CLDN1: variants seen among roughly 807,000 people sequenced by gnomAD.
The protein encoded by CLDN1 is claudin 1.
In CLDN1, 12 loss-of-function variants were observed where a neutral mutation model predicts 22.6. The observed-to-expected ratio is 0.53, with a 90% CI of 0.34 to 0.86. CLDN1 has a LOEUF of 0.86. CLDN1 is among the 40% of genes least tolerant of loss of function. The probability of loss-of-function intolerance (pLI) is 0.02; values close to 1 mark genes in which losing one functional copy is unlikely to be tolerated. For synonymous variants in CLDN1, 99 were observed against 103.8 expected (o/e 0.95, Z 0.28); for missense variants, 250 against 269.5 (o/e 0.93, Z 0.51).
chr3:190,308,030 C>T lies in CLDN1; in HGVS notation c.*247G>A, dbSNP rs1716505972. ...CCCTTCCCCCAGTTGAGTATGATTA[C>T]TCAATGGGAAGCAGTAATACAAATG... On this transcript the variant is annotated 3_prime_UTR_variant, in exon 4 of 4. Coordinates refer to ENST00000295522, the MANE Select transcript of CLDN1 (RefSeq NM_021101.5). 9.1e-6 allele frequency: 4 copies of T among 437,688 alleles called. No individual in the cohort carries two copies. The Admixed American group carries it at 1.4e-4, about 15-fold the overall frequency. The allele number at this position is 437,688 out of a possible 1,614,324, so 27.1% of individuals were successfully genotyped here. A position where few individuals can be genotyped will look rare whatever the true frequency, so the allele number is the denominator to read the frequency against.
chr3:190,311,723 TA>T (rs1400831074), intron 2 of CLDN1, among the ~76,000 whole-genome samples: 3 of 151,308 alleles, frequency 2.0e-5, no homozygotes, highest in African/African-American at 7.3e-5. Context: ...ATTATCAACA[TA>T]TATAACACAG....
At chr3:190,313,109 A>G in intron 1 of CLDN1, 73 bp from the exon 2 acceptor site, 3 of 1,546,928 alleles carry the variant, frequency 1.9e-6, no homozygotes, top group Non-Finnish European at 2.7e-6. Flanking sequence ...AAGACCAAGT[A>G]TATGTCACTG....
chr3:190,312,304 T>C (rs891752144), intron 2 of CLDN1, among the ~76,000 whole-genome samples: 1 of 40,564 alleles, frequency 2.5e-5, no homozygotes, highest in Non-Finnish European at 3.9e-5. Context: ...TATTTCTGTA[T>C]TTTTTTTTTC....
At chr3:190,315,256 T>C (rs150234243) in intron 1 of CLDN1, among the ~76,000 whole-genome samples, 240 of 152,256 alleles carry the variant, frequency 1.6e-3, no homozygotes, top group African/African-American at 5.2e-3. Flanking sequence ...GTCTGGAGGA[T>C]AGGGAAACCA....
chr3:190,308,157 T>C lies in CLDN1; in HGVS notation c.*120A>G. 1.0e-5 allele frequency: 12 copies of C among 1,204,142 alleles called. No individual in the cohort carries two copies. In the South Asian group the frequency reaches 1.5e-4, roughly 15 times the overall value. The allele number at this position is 1,204,142 out of a possible 1,614,324, so 74.6% of individuals were successfully genotyped here. A position where few individuals can be genotyped will look rare whatever the true frequency, so the allele number is the denominator to read the frequency against. Reference sequence around the variant, plus strand: ...CATGGGTTTTTTGTTTGTTTGTTTGTTTTGTAATACCATACTTCAGATTAC... The same window carrying C: ...CATGGGTTTTTTGTTTGTTTGTTTGCTTTGTAATACCATACTTCAGATTAC... On this transcript the variant is annotated 3_prime_UTR_variant, in exon 4 of 4. Transcript: ENST00000295522.
intron 1 of CLDN1, 132 bp from the exon 2 acceptor site, chr3:190,313,168 T>C: frequency 2.0e-6 from 2 of 978,034 alleles, no homozygotes; most frequent in East Asian, 2.5e-5. Context: ...ACCCCAGTCA[T>C]ACTGATGTTT....
intron 1 of CLDN1, 33 bp downstream of exon 1, chr3:190,321,951 T>C (rs773060480): frequency 1.3e-6 from 2 of 1,588,386 alleles, no homozygotes; most frequent in South Asian, 2.2e-5. Context: ...CTGGGGCCTC[T>C]GGACGGCCGC....
At chr3:190,313,839 A>G (rs1351305324) in intron 1 of CLDN1, among the ~76,000 whole-genome samples, 1 of 152,192 alleles carries the variant, frequency 6.6e-6, no homozygotes, top group Non-Finnish European at 1.5e-5. Flanking sequence ...TGATCAAATA[A>G]ACAGGGTCAA....
At chr3:190,319,725 T>G (rs3774018) in intron 1 of CLDN1, among the ~76,000 whole-genome samples, 68,398 of 151,972 alleles carry the variant, frequency 0.45, 15,975 homozygotes, top group East Asian at 0.8. Flanking sequence ...TTTTTCTGAG[T>G]GATACTGCTT....
chr3:190,313,557 T>A (rs1292676059), intron 1 of CLDN1, among the ~76,000 whole-genome samples: 2 of 152,198 alleles, frequency 1.3e-5, no homozygotes, highest in African/African-American at 2.4e-5. Flanking sequence ...TTATAGATTA[T>A]CATGGCTGGA....
chr3:190,321,638 T>G (rs1716924377), intron 1 of CLDN1, among the ~76,000 whole-genome samples: 1 of 152,176 alleles, frequency 6.6e-6, no homozygotes. Context: ...CAATCCTCAA[T>G]TTACCCCAAA....
intron 2 of CLDN1, among the ~76,000 whole-genome samples, chr3:190,311,595 T>C (rs552851600): frequency 1.3e-5 from 2 of 151,466 alleles, no homozygotes; most frequent in South Asian, 2.1e-4. Flanking sequence ...ATTAATTATA[T>C]CTGTTATTTT....
At chr3:190,314,715 C>T (rs993132703) in intron 1 of CLDN1, among the ~76,000 whole-genome samples, 15 of 152,124 alleles carry the variant, frequency 9.9e-5, no homozygotes, top group African/African-American at 3.6e-4. Context: ...TAATCTCTTT[C>T]TAAAAAGTAT....
chr3:190,317,108 T>G (rs971884217), intron 1 of CLDN1, among the ~76,000 whole-genome samples: 1 of 152,328 alleles, frequency 6.6e-6, no homozygotes, highest in East Asian at 1.9e-4. Flanking sequence ...TTGGATGAGA[T>G]AGATGTTGTA....
chr3:190,319,897 C>T (rs968039632), intron 1 of CLDN1, among the ~76,000 whole-genome samples: 8 of 152,154 alleles, frequency 5.3e-5, no homozygotes, highest in Admixed American at 1.3e-4. Flanking sequence ...AAAAGCATCC[C>T]GTGAGTCACG....
In CLDN1 at chr3:190,314,541, C is replaced by T. The variant is rs531619770; in HGVS notation, c.224-1505G>A. On this transcript the variant is annotated intron_variant, in intron 1 of 3. Transcript: ENST00000295522. The stretch of plus-strand genomic sequence containing the variant: ...TCCTGAGTAGCTGGGACTGCAGGCA[C>T]GAACCACCATGCCTGGCTAAATTTT... Among the ~76,000 whole-genome samples the T allele has an allele frequency of 1.1e-4, 17 of 150,532 alleles. No homozygotes were observed. In the East Asian group the frequency reaches 2.0e-3, roughly 17 times the overall value.
intron 1 of CLDN1, among the ~76,000 whole-genome samples, chr3:190,318,719 G>A (rs1408099872): frequency 1.3e-5 from 2 of 152,138 alleles, no homozygotes; most frequent in East Asian, 3.8e-4. Context: ...AACACCAATG[G>A]CCCTTCGAGT....
In CLDN1 at chr3:190,307,151, G is replaced by T. The variant is rs759103047; in HGVS notation, c.*1126C>A. The stretch of plus-strand genomic sequence containing the variant: ...ATCTCAATTTGGCAGATAGAAAAAA[G>T]AGGTAGAAAGATTAAGTGACTTGCT... On this transcript the variant is annotated 3_prime_UTR_variant, in exon 4 of 4. Coordinates refer to ENST00000295522, the MANE Select transcript of CLDN1 (RefSeq NM_021101.5). 1 of 152,622 alleles carries T rather than the reference G, an allele frequency of 6.6e-6. No homozygotes were observed. The highest frequency in any genetic ancestry group is 6.5e-5 in the Admixed American group (1 of 15,268). 9.5% of individuals were successfully genotyped at this position (152,622 alleles called of 1,614,324 possible). A position where few individuals can be genotyped will look rare whatever the true frequency, so the allele number is the denominator to read the frequency against.
intron 1 of CLDN1, among the ~76,000 whole-genome samples, chr3:190,320,361 G>A (rs1300744292): frequency 6.6e-6 from 1 of 152,084 alleles, no homozygotes; most frequent in East Asian, 1.9e-4. Context: ...CCTTAACGTG[G>A]TACCTAAAAT....
Sources: gnomAD v4.1 joint callset for allele counts (sites outside exome capture counted in the v4.1 genomes callset) on GRCh38, gnomAD v4.1.1 for gene constraint, MANE v1.5 for transcripts, NCBI Gene and HGNC (gene_info 2026-07-23, HGNC 2026-07-21) for gene names.